Variants in CBFB observed in about 807,000 individuals in gnomAD.
The protein encoded by CBFB is CBF-beta.
A neutral mutation model predicts 30.4 loss-of-function variants in CBFB; 9 were observed. That is an observed-to-expected ratio of 0.30 (90% CI 0.18 to 0.52). The LOEUF is 0.52. Ranked by LOEUF, CBFB falls within the 20% of genes least tolerant of loss-of-function variation. The pLI is 0.97. For missense variants in CBFB, 170 were observed against 244.0 expected, an observed-to-expected ratio of 0.70 and a Z score of 2.02; for synonymous variants, 94 against 84.0, an observed-to-expected ratio of 1.12 and a Z score of -0.65.
At chr16:67,078,569 T>A (rs573201061) in intron 4 of CBFB, among the ~76,000 whole-genome samples, 1 of 152,106 alleles carries the variant, frequency 6.6e-6, no homozygotes, top group South Asian at 2.1e-4. Flanking sequence ...AAAGAAAAGA[T>A]CAAAACAGAA....
intron 4 of CBFB, among the ~76,000 whole-genome samples, chr16:67,075,988 T>C (rs1254335547): frequency 6.6e-6 from 1 of 152,056 alleles, no homozygotes; most frequent in African/African-American, 2.4e-5. Context: ...TCCCAGCACT[T>C]TGGGAGGCCA....
At chr16:67,035,586 C>CT (rs1567603712) in intron 2 of CBFB, among the ~76,000 whole-genome samples, 1 of 152,196 alleles carries the variant, frequency 6.6e-6, no homozygotes, top group Non-Finnish European at 1.5e-5. Flanking sequence ...TCTAAAGAAT[C>CT]TAAGCTGTTA....
intron 3 of CBFB, among the ~76,000 whole-genome samples, chr16:67,048,617 C>G (rs908158205): frequency 2.6e-5 from 4 of 152,054 alleles, no homozygotes; most frequent in Admixed American, 2.6e-4. Context: ...GTGGCATGAT[C>G]TCAGCTCACT....
At chr16:67,069,997 C>G (rs1331708180) in intron 4 of CBFB, among the ~76,000 whole-genome samples, 2 of 152,096 alleles carry the variant, frequency 1.3e-5, no homozygotes, top group Non-Finnish European at 2.9e-5. Context: ...TCTTTAAAAA[C>G]AAAGAAAATG....
chr16:67,038,390 A>G (rs1461550432), intron 3 of CBFB, among the ~76,000 whole-genome samples: 1 of 151,794 alleles, frequency 6.6e-6, no homozygotes, highest in Non-Finnish European at 1.5e-5. Flanking sequence ...ATATACATAT[A>G]TATGTATATA....
intron 4 of CBFB, among the ~76,000 whole-genome samples, chr16:67,071,280 T>C (rs1439452523): frequency 1.3e-5 from 2 of 152,232 alleles, no homozygotes; most frequent in East Asian, 1.9e-4. Context: ...CATCCCCAAA[T>C]TGATATGTTG....
chr16:67,029,352 C>A lies in CBFB; in HGVS notation c.-56C>A. The A allele has an allele frequency of 7.8e-7, 1 of 1,285,882 alleles. No individual in the cohort carries two copies. Among genetic ancestry groups the A allele is most frequent in the Non-Finnish European group, 1.0e-6 (1 of 974,646 alleles). 79.7% of individuals were successfully genotyped at this position (1,285,882 alleles called of 1,614,324 possible). ...AGTCGGTCAGCGCGGAGCCAGCCAG[C>A]GGGTGCCCGCGCAAGCCCCGAGCGC... On this transcript the variant is annotated 5_prime_UTR_variant, in exon 1 of 6. Coordinates refer to ENST00000412916, the MANE Select transcript of CBFB (RefSeq NM_022845.3).
At chr16:67,036,289 T>G (rs966162209) in intron 2 of CBFB, 2 of 176,334 alleles carry the variant, frequency 1.1e-5, no homozygotes, top group African/African-American at 4.7e-5. Flanking sequence ...AGATTTTGAG[T>G]GATTTTTACA....
At chr16:67,029,973 C>T (rs959858648) in intron 2 of CBFB, 160 bp downstream of exon 2, 3 of 483,906 alleles carry the variant, frequency 6.2e-6, no homozygotes, top group South Asian at 3.6e-5. Context: ...CCAGATGCCG[C>T]GGGCCGGTAC....
chr16:67,029,538 C>CGGGCGGAGAAAAGTTT, intron 1 of CBFB, 53 bp downstream of exon 1: 1 of 1,525,374 alleles, frequency 6.6e-7, no homozygotes, highest in Admixed American at 1.9e-5. Context: ...CGAGTGGGCC[C>CGGGCGGAGAAAAGTTT]GGGCGGAGAA....
At chr16:67,032,888 G>T (rs1256276360) in intron 2 of CBFB, among the ~76,000 whole-genome samples, 1 of 152,140 alleles carries the variant, frequency 6.6e-6, no homozygotes, top group African/African-American at 2.4e-5. Flanking sequence ...TATCAGTGAG[G>T]TTAATGAAGA....
intron 3 of CBFB, among the ~76,000 whole-genome samples, chr16:67,039,928 T>C (rs543921742): frequency 6.6e-6 from 1 of 152,332 alleles, no homozygotes; most frequent in East Asian, 1.9e-4. Flanking sequence ...TAAATGTTTA[T>C]GCATAGGTCA....
intron 3 of CBFB, among the ~76,000 whole-genome samples, chr16:67,049,656 G>A (rs1045547068): frequency 6.8e-6 from 1 of 146,714 alleles, no homozygotes; most frequent in Non-Finnish European, 1.5e-5. Flanking sequence ...GTTTTTTTTT[G>A]TTTTACTTTT....
intron 3 of CBFB, among the ~76,000 whole-genome samples, chr16:67,037,583 G>A (rs951815767): frequency 6.6e-6 from 1 of 151,758 alleles, no homozygotes; most frequent in African/African-American, 2.4e-5. Flanking sequence ...AGAAGTTTAG[G>A]TTAAAGATAC....
chr16:67,086,166 C>G (rs1961727658), intron 5 of CBFB, among the ~76,000 whole-genome samples: 2 of 152,144 alleles, frequency 1.3e-5, no homozygotes, highest in South Asian at 4.1e-4. Flanking sequence ...TATGTGAATA[C>G]AAGACTTCCA....
At chr16:67,096,789 A>G (rs1962059457) in intron 5 of CBFB, among the ~76,000 whole-genome samples, 1 of 151,860 alleles carries the variant, frequency 6.6e-6, no homozygotes. Context: ...CCTGGCTAAC[A>G]CAAAGAAACC....
intron 3 of CBFB, among the ~76,000 whole-genome samples, chr16:67,066,476 C>G (rs949202689): frequency 6.6e-6 from 1 of 151,256 alleles, no homozygotes; most frequent in African/African-American, 2.4e-5. Flanking sequence ...GGGAGAATTG[C>G]TTGAACCCGG....
chr16:67,038,982 A>G (rs1341330645), intron 3 of CBFB, among the ~76,000 whole-genome samples: 2 of 152,196 alleles, frequency 1.3e-5, no homozygotes, highest in African/African-American at 4.8e-5. Flanking sequence ...GACTTAAACC[A>G]TTGAGATGTT....
At chr16:67,069,776 GA>G (rs1386497594) in intron 4 of CBFB, among the ~76,000 whole-genome samples, 1 of 152,208 alleles carries the variant, frequency 6.6e-6, no homozygotes, top group African/African-American at 2.4e-5. Context: ...GACTTCTCTT[GA>G]AATCATAGAG....
Sources: allele counts gnomAD v4.1 joint callset (sites outside exome capture counted in the v4.1 genomes callset), GRCh38; gene constraint gnomAD v4.1.1; transcripts MANE v1.5; gene names NCBI Gene and HGNC (gene_info 2026-07-23, HGNC 2026-07-21).